The following TIMP2 variants were observed in gnomAD, a reference collection of about 807,000 sequenced individuals.
TIMP2 encodes the protein TIMP metallopeptidase inhibitor 2, also known as metalloproteinase inhibitor 2.
A neutral mutation model predicts 24.3 loss-of-function variants in TIMP2; 5 were observed. That is an observed-to-expected ratio of 0.21 (90% confidence interval 0.11 to 0.43). The LOEUF (loss-of-function observed/expected upper bound fraction) is 0.43. TIMP2 is among the 20% of genes least tolerant of loss of function. The probability of loss-of-function intolerance (pLI) is 1.00; values close to 1 mark genes in which losing one functional copy is unlikely to be tolerated. For missense variants in TIMP2, 221 were observed against 297.5 expected (o/e 0.74, Z 1.89); for synonymous variants, 130 against 123.2 (o/e 1.06, Z -0.37).
In TIMP2 at chr17:78,855,999, C is replaced by G; in HGVS notation, c.466-135G>C. 1.1e-6 allele frequency: 1 copy of G among 902,288 alleles called. No individual in the cohort carries two copies. The highest frequency in any genetic ancestry group is 1.5e-5 in the South Asian group (1 of 65,980). The allele number at this position is 902,288 out of a possible 1,614,324, so 55.9% of individuals were successfully genotyped here. On this transcript the variant is annotated intron_variant, in intron 4 of 4. Transcript: ENST00000262768. The surrounding 1 kb of genome is among the most constrained non-coding windows in gnomAD (Gnocchi z 6.0). ...CAGGGATGGCAGCCTCTCCCGAGAC[C>G]CACGGTTCCTGCAGGGGCAGGCAGC...
At chr17:78,867,627 A>G (rs1009163066) in intron 3 of TIMP2, among the ~76,000 whole-genome samples, 20 of 127,716 alleles carry the variant, frequency 1.6e-4, no homozygotes, top group African/African-American at 6.1e-4. Flanking sequence ...ATGGAGTCTC[A>G]CTCTGTCGCC....
rs529737988 is a variant in TIMP2 at position 78,869,852 on chromosome 17, C to CTGTAACG, written c.340+1039_340+1045dup. On this transcript the variant is annotated intron_variant, in intron 3 of 4. Coordinates refer to ENST00000262768, the MANE Select transcript of TIMP2 (RefSeq NM_003255.5). Reference sequence around the variant, plus strand: ...AAGAGTAAGGAAATTCTGATGTATGCTGTAACGTGAACGAACCTTGAAAAC... The same window carrying CTGTAACG: ...AAGAGTAAGGAAATTCTGATGTATGCTGTAACGTGTAACGTGAACGAACCTTGAAAAC... Among the ~76,000 whole-genome samples, 11 of 152,292 alleles carry CTGTAACG rather than the reference C, an allele frequency of 7.2e-5. No homozygotes were observed. In the East Asian group the frequency reaches 2.1e-3, roughly 29 times the overall value.
chr17:78,894,819 GA>G (rs1000384917), intron 1 of TIMP2, among the ~76,000 whole-genome samples: 11 of 146,532 alleles, frequency 7.5e-5, no homozygotes, highest in South Asian at 2.1e-4. Context: ...AAAATTAAAA[GA>G]AAAAAAAAAC....
chr17:78,875,496 A>C (rs772035613), intron 1 of TIMP2, among the ~76,000 whole-genome samples: 42 of 152,202 alleles, frequency 2.8e-4, no homozygotes, highest in Admixed American at 9.2e-4. Flanking sequence ...CAAGCAGATC[A>C]GTAGTTCATG....
In TIMP2 at chr17:78,896,984, A is replaced by G; in HGVS notation, c.131-23065T>C. ...GCCTACAGCTTGAGAATGACGTCCA[A>G]GCAGCTCGCCTTTCCCTGGGCGGCC... is the stretch of plus-strand genomic sequence containing the variant. On this transcript the variant is annotated intron_variant, in intron 1 of 4. Transcript: ENST00000262768. This position sits in a 1 kb window ranked among gnomAD's most constrained non-coding sequence, Gnocchi z 4.4. The G allele has an allele frequency of 5.1e-6, 5 of 985,390 alleles. No individual in the cohort carries two copies. The highest frequency in any genetic ancestry group is 4.7e-5 in the South Asian group (1 of 21,288). The allele number at this position is 985,390 out of a possible 1,614,324, so 61.0% of individuals were successfully genotyped here. A position where few individuals can be genotyped will look rare whatever the true frequency, so the allele number is the denominator to read the frequency against.
intron 1 of TIMP2, among the ~76,000 whole-genome samples, chr17:78,893,135 G>A (rs1236138912): frequency 1.3e-5 from 2 of 150,590 alleles, no homozygotes; most frequent in African/African-American, 4.9e-5. Context: ...GTGCAGGGGT[G>A]TGTGTGCGTA....
At chr17:78,865,340 G>A (rs1405647497) in intron 3 of TIMP2, among the ~76,000 whole-genome samples, 1 of 151,964 alleles carries the variant, frequency 6.6e-6, no homozygotes, top group Non-Finnish European at 1.5e-5. Context: ...TGTACTTAAT[G>A]CCGCCCAGGT....
intron 1 of TIMP2, among the ~76,000 whole-genome samples, chr17:78,908,301 G>A (rs932525293): frequency 2.6e-5 from 4 of 152,154 alleles, no homozygotes; most frequent in Non-Finnish European, 5.9e-5. Context: ...ACTTCCATGT[G>A]TCCTAAATTA....
intron 3 of TIMP2, among the ~76,000 whole-genome samples, chr17:78,866,267 C>T (rs1220200951): frequency 6.6e-6 from 1 of 152,190 alleles, no homozygotes; most frequent in Non-Finnish European, 1.5e-5. Flanking sequence ...CCACGCGCCA[C>T]CGTGCGTGCT....
intron 1 of TIMP2, among the ~76,000 whole-genome samples, chr17:78,881,857 T>C (rs527621519): frequency 1.6e-4 from 24 of 152,380 alleles, no homozygotes; most frequent in Admixed American, 7.2e-4. Context: ...ACGCCCTTGC[T>C]AACATCTGTA....
In TIMP2 at chr17:78,854,946, G is replaced by GGGC. The variant is rs2069513445; in HGVS notation, c.*720_*721insGCC. On this transcript the variant is annotated 3_prime_UTR_variant, in exon 5 of 5. Transcript: ENST00000262768. ...CGGGGGGGGGGGGGTGGGGGGGTGG[G>GGGC]TGCAGACCAAAAAGACTCAGCTGAG... 3 of 56,376 alleles carry GGGC rather than the reference G, an allele frequency of 5.3e-5. No homozygotes were observed. The highest frequency in any genetic ancestry group is 1.1e-4 in the Non-Finnish European group (3 of 27,076). 3.5% of individuals were successfully genotyped at this position (56,376 alleles called of 1,614,324 possible). A position where few individuals can be genotyped will look rare whatever the true frequency, so the allele number is the denominator to read the frequency against.
At position 78,897,014 on chromosome 17, in the gene TIMP2, A is replaced by G. The variant is rs1167732861; in HGVS notation, c.131-23095T>C. On this transcript the variant is annotated intron_variant, in intron 1 of 4. Coordinates refer to ENST00000262768, the MANE Select transcript of TIMP2 (RefSeq NM_003255.5). Reference sequence around the variant, plus strand: ...CTCGCCTTTCCCTGGGCGGCCGCTCAGACAGCTTTTCAGCCAAGGCAGACC... The same window carrying G: ...CTCGCCTTTCCCTGGGCGGCCGCTCGGACAGCTTTTCAGCCAAGGCAGACC... 8.1e-6 allele frequency: 8 copies of G among 985,216 alleles called. No individual in the cohort carries two copies. In the South Asian group the frequency reaches 1.9e-4, roughly 23 times the overall value. The allele number at this position is 985,216 out of a possible 1,614,324, so 61.0% of individuals were successfully genotyped here. A position where few individuals can be genotyped will look rare whatever the true frequency, so the allele number is the denominator to read the frequency against.
At chr17:78,911,738 G>T (rs2070209999) in intron 1 of TIMP2, among the ~76,000 whole-genome samples, 1 of 151,924 alleles carries the variant, frequency 6.6e-6, no homozygotes, top group Non-Finnish European at 1.5e-5. Flanking sequence ...GCCTCCATTT[G>T]ACTCACTCAT....
chr17:78,878,818 G>A (rs1567995864), intron 1 of TIMP2, among the ~76,000 whole-genome samples: 2 of 152,300 alleles, frequency 1.3e-5, no homozygotes, highest in South Asian at 2.1e-4. Flanking sequence ...GTCTGCCCCT[G>A]GGGAACAGAA....
At chr17:78,871,140 G>C in intron 2 of TIMP2, 134 bp from the exon 3 acceptor site, 1 of 641,314 alleles carries the variant, frequency 1.6e-6, no homozygotes, top group Non-Finnish European at 2.7e-6. Flanking sequence ...ACCAGGAAGT[G>C]CAAATACATG....
At chr17:78,923,513 G>C (rs572640498) in intron 1 of TIMP2, among the ~76,000 whole-genome samples, 8 of 152,156 alleles carry the variant, frequency 5.3e-5, no homozygotes, top group Non-Finnish European at 8.8e-5. Context: ...CCCAGCACGT[G>C]CTGGTGAGCC....
intron 4 of TIMP2, chr17:78,856,082 C>A (rs943917846): frequency 1.5e-5 from 9 of 585,444 alleles, no homozygotes; most frequent in East Asian, 5.8e-5. Context: ...CGCTGCCCCC[C>A]CTCCTACTGC....
In TIMP2 at chr17:78,924,785, G is replaced by A. The variant is rs1474499842; in HGVS notation, c.130+174C>T. Among the ~76,000 whole-genome samples the A allele has an allele frequency of 6.6e-6, 1 of 152,058 alleles. No individual in the cohort carries two copies. Among genetic ancestry groups the A allele is most frequent in the Non-Finnish European group, 1.5e-5 (1 of 67,990 alleles). ...GGAAAGAAAGGGAGAGGAGGGAGGG[G>A]GGAAAGAAAGTCGGCTCTGGGCGTC... On this transcript the variant is annotated intron_variant, in intron 1 of 4. Transcript: ENST00000262768. This position sits in a 1 kb window ranked among gnomAD's most constrained non-coding sequence, Gnocchi z 5.3.
chr17:78,890,675 GCTT>G (rs1599159053), intron 1 of TIMP2: 1 of 1,550,454 alleles, frequency 6.4e-7, no homozygotes, highest in South Asian at 1.2e-5. Flanking sequence ...GCATTTCCGG[GCTT>G]CTTCAAGAAA....
Sources: allele counts gnomAD v4.1 joint callset (sites outside exome capture counted in the v4.1 genomes callset), GRCh38; gene constraint gnomAD v4.1.1; non-coding constraint Gnocchi (gnomAD v3.1); transcripts MANE v1.5; gene names NCBI Gene and HGNC (gene_info 2026-07-23, HGNC 2026-07-21).